GRIP2: variants seen among roughly 807,000 people sequenced by gnomAD.
The protein encoded by GRIP2 is glutamate receptor-interacting protein 2.
GRIP2 carries 58 observed loss-of-function variants against 108.3 expected under a neutral mutation model. The ratio of observed to expected loss-of-function variants is 0.54; its 90% CI spans 0.43 to 0.67. The LOEUF is 0.67. GRIP2 is among the 30% of genes least tolerant of loss of function. The probability of loss-of-function intolerance (pLI) is 0.00; values close to 1 mark genes in which losing one functional copy is unlikely to be tolerated. For synonymous variants in GRIP2, 586 were observed against 598.2 expected (o/e 0.98, Z 0.30); for missense variants, 1,278 against 1,430.6 (o/e 0.89, Z 1.72).
intron 23 of GRIP2, 69 bp downstream of exon 23, chr3:14,494,774 G>C (rs1409164227): frequency 6.6e-7 from 1 of 1,523,116 alleles, no homozygotes; most frequent in Non-Finnish European, 8.8e-7. Context: ...GATAGATGCA[G>C]GCTCTTTCCC....
In GRIP2 at chr3:14,512,871, G is replaced by T; in HGVS notation, c.1640-14C>A. 6.2e-7 allele frequency: 1 copy of T among 1,612,744 alleles called. No homozygotes were observed. The highest frequency in any genetic ancestry group is 8.5e-7 in the Non-Finnish European group (1 of 1,179,016). On this transcript the variant is annotated splice_polypyrimidine_tract_variant and intron_variant, in intron 13 of 23. Coordinates refer to ENST00000621039, the MANE Select transcript of GRIP2 (RefSeq NM_001080423.4). This position sits in a 1 kb window ranked among gnomAD's most constrained non-coding sequence, Gnocchi z 5.1. ...GGATGACGGACTCTGGGGGTAGATGGACATAAACCGACGTGAGGACCCAGA... is the reference window on the plus strand; with the variant it reads ...GGATGACGGACTCTGGGGGTAGATGTACATAAACCGACGTGAGGACCCAGA...
chr3:14,570,329 G>A, the GRIP2 span, among the ~76,000 whole-genome samples: 1 of 152,284 alleles, frequency 6.6e-6, no homozygotes, highest in East Asian at 1.9e-4. Context: ...CTGGGATGGC[G>A]TCATGACCCT....
At chr3:14,535,393 A>G (rs2124950711) in intron 1 of GRIP2, among the ~76,000 whole-genome samples, 1 of 152,202 alleles carries the variant, frequency 6.6e-6, no homozygotes, top group Non-Finnish European at 1.5e-5. Flanking sequence ...TGCTGGGAGG[A>G]ACTGTGGGGA....
In GRIP2 at chr3:14,496,449, G is replaced by A; in HGVS notation, c.2791C>T (p.Leu931=). ...VRASPAEMEE[L]LLPTPLEMHK... is the part of the protein sequence containing the mutation. The stretch of plus-strand genomic sequence containing the variant: ...ATCTCCAAGGGTGTAGGCAGCAACA[G>A]CTCCTCCATTTCTGCAGGAGAGGCT... Residue 931 remains leucine (L), a synonymous_variant, in exon 22 of 24, where the codon CTG becomes TTG. Coordinates refer to ENST00000621039, the MANE Select transcript of GRIP2 (RefSeq NM_001080423.4). The A allele has an allele frequency of 1.9e-6, 3 of 1,612,788 alleles. No homozygotes were observed. Among genetic ancestry groups the A allele is most frequent in the Non-Finnish European group, 2.5e-6 (3 of 1,179,380 alleles).
At chr3:14,523,327 C>T in intron 5 of GRIP2, 1 of 572,780 alleles carries the variant, frequency 1.7e-6, no homozygotes, top group South Asian at 2.3e-5. Flanking sequence ...CACCTTATTT[C>T]CCCTTTTCCC....
At chr3:14,499,857 A>G (rs1693720513) in intron 21 of GRIP2, among the ~76,000 whole-genome samples, 1 of 152,216 alleles carries the variant, frequency 6.6e-6, no homozygotes, top group South Asian at 2.1e-4. Flanking sequence ...CACATAAAAT[A>G]CACTAACGTT....
At position 14,504,634 on chromosome 3, in the gene GRIP2, C is replaced by T. The variant is rs537226327; in HGVS notation, c.2574-963G>A. Among the ~76,000 whole-genome samples, 8 of 152,276 alleles carry T rather than the reference C, an allele frequency of 5.3e-5. No homozygotes were observed. The East Asian group carries it at 5.8e-4, about 11-fold the overall frequency. ...CAGCACTTGCTCTTTTACAGGGGCACGCAAGCTTTGCTATCTTAGGGAGCT... is the reference window on the plus strand; with the variant it reads ...CAGCACTTGCTCTTTTACAGGGGCATGCAAGCTTTGCTATCTTAGGGAGCT... On this transcript the variant is annotated intron_variant, in intron 20 of 23. Transcript: ENST00000621039.
rs1286122209 is a variant in GRIP2 at position 14,521,432 on chromosome 3, C to A, written c.712+210G>T. 9.2e-6 allele frequency: 5 copies of A among 543,504 alleles called. No homozygotes were observed. Among genetic ancestry groups the A allele is most frequent in the African/African-American group, 7.8e-5 (4 of 51,220 alleles). The allele number at this position is 543,504 out of a possible 1,614,324, so 33.7% of individuals were successfully genotyped here. ...CACCAGAATGCCAGCTCCATGAGAA[C>A]AGACACCTCAATTCTGTTGTTCTAG... is the stretch of plus-strand genomic sequence containing the variant. On this transcript the variant is annotated intron_variant, in intron 7 of 23. Coordinates refer to ENST00000621039, the MANE Select transcript of GRIP2 (RefSeq NM_001080423.4). This position sits in a 1 kb window ranked among gnomAD's most constrained non-coding sequence, Gnocchi z 5.1.
chr3:14,602,174 C>G, the GRIP2 span: 1 of 152,144 alleles, frequency 6.6e-6, no homozygotes, highest in Admixed American at 6.5e-5. This position sits in a 1 kb window ranked among gnomAD's most constrained non-coding sequence, Gnocchi z 4.7. Context: ...TCATTAGCAC[C>G]AAATCCAAAC....
chr3:14,564,930 C>T, the GRIP2 span, among the ~76,000 whole-genome samples: 7 of 152,166 alleles, frequency 4.6e-5, no homozygotes, highest in African/African-American at 1.2e-4. Flanking sequence ...AACACAGACG[C>T]GCCTCTTGCT....
intron 1 of GRIP2, among the ~76,000 whole-genome samples, chr3:14,532,861 T>C (rs1228366881): frequency 6.6e-6 from 1 of 152,218 alleles, no homozygotes; most frequent in Non-Finnish European, 1.5e-5. Flanking sequence ...GGGCTCAGCC[T>C]GAGTCAGTGT....
intron 23 of GRIP2, 61 bp downstream of exon 23, chr3:14,494,782 C>CT (rs1351195197): frequency 5.2e-6 from 8 of 1,543,594 alleles, no homozygotes; most frequent in Non-Finnish European, 7.0e-6. Context: ...CAGGCTCTTT[C>CT]CCCACCCTCA....
the GRIP2 span, among the ~76,000 whole-genome samples, chr3:14,565,088 G>A: frequency 6.6e-6 from 1 of 152,198 alleles, no homozygotes; most frequent in Non-Finnish European, 1.5e-5. Flanking sequence ...GCATTTCTGG[G>A]GGTTGAGAGG....
intron 17 of GRIP2, among the ~76,000 whole-genome samples, chr3:14,508,979 G>A (rs1325579966): frequency 2.0e-5 from 3 of 152,176 alleles, no homozygotes; most frequent in Non-Finnish European, 2.9e-5. Context: ...GGACAGAGGG[G>A]CCAGGCACAC....
At chr3:14,571,492 C>T in the GRIP2 span, among the ~76,000 whole-genome samples, 3 of 152,158 alleles carry the variant, frequency 2.0e-5, no homozygotes, top group Admixed American at 6.5e-5. Flanking sequence ...CTACCCACAC[C>T]GCACCTCCCA....
At chr3:14,517,033 C>T in intron 11 of GRIP2, 31 bp downstream of exon 11, 1 of 1,484,078 alleles carries the variant, frequency 6.7e-7, no homozygotes, top group Non-Finnish European at 9.0e-7. Flanking sequence ...ATACAAGCAG[C>T]CCAAGGAGGA....
At chr3:14,567,137 T>TC in the GRIP2 span, among the ~76,000 whole-genome samples, 3 of 152,206 alleles carry the variant, frequency 2.0e-5, no homozygotes, top group South Asian at 6.2e-4. Flanking sequence ...ATTCAATGAT[T>TC]CCCCTCGATT....
upstream of GRIP2, chr3:14,541,815 G>C: frequency 2.5e-6 from 3 of 1,205,522 alleles, no homozygotes; most frequent in Non-Finnish European, 3.3e-6. Context: ...GGGAAGACCT[G>C]AATTTAGTGG....
In GRIP2 at chr3:14,505,872, A is replaced by G; in HGVS notation, c.2399-83T>C. 1.5e-6 allele frequency: 2 copies of G among 1,341,570 alleles called. No individual in the cohort carries two copies. The highest frequency in any genetic ancestry group is 2.0e-6 in the Non-Finnish European group (2 of 1,008,924). 83.1% of individuals were successfully genotyped at this position (1,341,570 alleles called of 1,614,324 possible). On this transcript the variant is annotated intron_variant, in intron 19 of 23. Coordinates refer to ENST00000621039, the MANE Select transcript of GRIP2 (RefSeq NM_001080423.4). The surrounding 1 kb of genome is among the most constrained non-coding windows in gnomAD (Gnocchi z 4.2). ...GCCCCATTTCCAGCTGTGCTGAGTG[A>G]CCCTGGGGAGGTCGTTGCTCCTCTC... is the stretch of plus-strand genomic sequence containing the variant.
Sources: gnomAD v4.1 joint callset for allele counts (sites outside exome capture counted in the v4.1 genomes callset) on GRCh38, gnomAD v4.1.1 for gene constraint, Gnocchi (gnomAD v3.1) non-coding constraint, MANE v1.5 for transcripts, NCBI Gene and HGNC (gene_info 2026-07-23, HGNC 2026-07-21) for gene names.